Variants in LDLRAD4 observed in about 807,000 individuals in gnomAD.
LDLRAD4 encodes low-density lipoprotein receptor class A domain-containing protein 4.
In LDLRAD4, 5 loss-of-function variants were observed where a neutral mutation model predicts 17.0. The observed-to-expected ratio is 0.29, with a 90% CI of 0.15 to 0.62. The LOEUF (loss-of-function observed/expected upper bound fraction) is 0.62, where lower values mean the gene tolerates loss of function less well. Among genes scored for constraint, LDLRAD4 ranks in the 20% least tolerant of loss-of-function variants. The pLI is 0.84. For synonymous variants in LDLRAD4, 168 were observed against 171.8 expected, an observed-to-expected ratio of 0.98 and a Z score of 0.17; for missense variants, 340 against 424.7, an observed-to-expected ratio of 0.80 and a Z score of 1.75.
chr18:13,509,365 C>T (rs541213930), intron 3 of LDLRAD4, among the ~76,000 whole-genome samples: 96 of 152,316 alleles, frequency 6.3e-4, no homozygotes, highest in African/African-American at 2.2e-3. Flanking sequence ...GGTTCCACCC[C>T]TCCTGGATGA....
At chr18:13,644,958 A>T in intron 5 of LDLRAD4, 169 bp from the exon 7 acceptor site, 1 of 634,400 alleles carries the variant, frequency 1.6e-6, no homozygotes, top group South Asian at 2.0e-5. Flanking sequence ...TCAGAAAAGT[A>T]CACTTTTTTT....
At chr18:13,618,327 A>G (rs1355945823) in intron 3 of LDLRAD4, among the ~76,000 whole-genome samples, 2 of 152,232 alleles carry the variant, frequency 1.3e-5, no homozygotes, top group Non-Finnish European at 2.9e-5. Context: ...TGGTGGAGTC[A>G]GGGGCGCTGT....
intron 4 of LDLRAD4, among the ~76,000 whole-genome samples, chr18:13,636,944 C>T (rs1020429314): frequency 9.9e-5 from 15 of 151,916 alleles, no homozygotes; most frequent in South Asian, 2.1e-4. Context: ...ATTACAGGCA[C>T]CCACCACTAC....
chr18:13,568,059 G>C (rs7239181), intron 3 of LDLRAD4, among the ~76,000 whole-genome samples: 9 of 150,568 alleles, frequency 6.0e-5, no homozygotes, highest in Middle Eastern at 3.4e-3. Context: ...CCGAGGAGGT[G>C]GGGGGTGGGG....
chr18:13,447,133 C>T lies in LDLRAD4; in HGVS notation c.181+8749C>T, dbSNP rs1395615867. 9.1e-5 allele frequency among the ~76,000 whole-genome samples: 13 copies of T among 142,268 alleles called. No homozygotes were observed. In the East Asian group the frequency reaches 3.2e-3, roughly 35 times the overall value. The allele number at this position is 142,268 out of a possible 152,430, so 93.3% of individuals were successfully genotyped here. A position where few individuals can be genotyped will look rare whatever the true frequency, so the allele number is the denominator to read the frequency against. ...TTTGGACAGGGCTCCCCGCCCGCCC[C>T]CCCTTTTTTTTGACTTAAAGAATCT... is the stretch of plus-strand genomic sequence containing the variant. On this transcript the variant is annotated intron_variant, in intron 3 of 5. Transcript: ENST00000359446.
At chr18:13,557,567 A>AT (rs1166097562) in intron 3 of LDLRAD4, among the ~76,000 whole-genome samples, 1 of 152,068 alleles carries the variant, frequency 6.6e-6, no homozygotes, top group African/African-American at 2.4e-5. Flanking sequence ...CACCCGGCTA[A>AT]TTTTTTATAT....
At chr18:13,449,631 G>A (rs2091661559) in intron 3 of LDLRAD4, among the ~76,000 whole-genome samples, 1 of 152,268 alleles carries the variant, frequency 6.6e-6, no homozygotes, top group Non-Finnish European at 1.5e-5. Flanking sequence ...GCTGTCTGCT[G>A]TGGATGGCTC....
At chr18:13,247,955 C>CTA (rs372189310) in intron 1 of LDLRAD4, among the ~76,000 whole-genome samples, 1 of 130,214 alleles carries the variant, frequency 7.7e-6, no homozygotes, top group African/African-American at 3.3e-5. Context: ...AGCGCCGCCC[C>CTA]CCGCCTTTTT....
chr18:13,486,508 C>G (rs1386534507), intron 3 of LDLRAD4: 3 of 152,288 alleles, frequency 2.0e-5, no homozygotes, highest in Admixed American at 6.5e-5. Context: ...GCCTGCTCCA[C>G]CAGGGAGAAC....
intron 4 of LDLRAD4, among the ~76,000 whole-genome samples, chr18:13,636,730 C>G (rs1222943800): frequency 6.6e-6 from 1 of 151,752 alleles, no homozygotes; most frequent in Non-Finnish European, 1.5e-5. Context: ...GAACTCCTGA[C>G]CTCAGGTGAT....
intron 3 of LDLRAD4, among the ~76,000 whole-genome samples, chr18:13,593,391 T>C (rs1220157366): frequency 7.7e-6 from 1 of 130,474 alleles, no homozygotes; most frequent in Non-Finnish European, 1.7e-5. Flanking sequence ...GACCTGGGCA[T>C]GGATTTGTCT....
chr18:13,490,738 G>A (rs768219005), intron 3 of LDLRAD4: 1 of 152,170 alleles, frequency 6.6e-6, no homozygotes, highest in Non-Finnish European at 1.5e-5. Flanking sequence ...TTTTTAAAAT[G>A]ATGTGTTCCA....
chr18:13,355,737 T>G (rs771404494), intron 1 of LDLRAD4, among the ~76,000 whole-genome samples: 1 of 152,086 alleles, frequency 6.6e-6, no homozygotes, highest in South Asian at 2.1e-4. Flanking sequence ...GCTCAAGGGA[T>G]CCTCCCACCT....
At position 13,513,628 on chromosome 18, in the gene LDLRAD4, G is replaced by A. The variant is rs142458991; in HGVS notation, c.181+75244G>A. Among the ~76,000 whole-genome samples, 3 of 152,242 alleles carry A rather than the reference G, an allele frequency of 2.0e-5. No individual in the cohort carries two copies. In the East Asian group the frequency reaches 5.8e-4, roughly 29 times the overall value. On this transcript the variant is annotated intron_variant, in intron 3 of 5. Coordinates refer to ENST00000359446, the Ensembl canonical transcript of LDLRAD4. Reference sequence around the variant, plus strand: ...TCGTCTTCATCAGTCTCCGTTTATTGTGAGCTTTCAGAGCTTATGCTGAAT... The same window carrying A: ...TCGTCTTCATCAGTCTCCGTTTATTATGAGCTTTCAGAGCTTATGCTGAAT...
intron 3 of LDLRAD4, among the ~76,000 whole-genome samples, chr18:13,438,693 C>T (rs1023300363): frequency 6.6e-6 from 1 of 152,160 alleles, no homozygotes. Context: ...ATTACTACTT[C>T]AGAAGTAATT....
At chr18:13,533,248 G>T (rs148938018) in intron 3 of LDLRAD4, among the ~76,000 whole-genome samples, 87 of 152,224 alleles carry the variant, frequency 5.7e-4, no homozygotes, top group African/African-American at 2.0e-3. Flanking sequence ...TTGCTGCAAT[G>T]GATTTTTCAT....
intron 1 of LDLRAD4, among the ~76,000 whole-genome samples, chr18:13,323,292 G>A (rs542778183): frequency 5.8e-4 from 89 of 152,356 alleles, no homozygotes; most frequent in African/African-American, 2.0e-3. Flanking sequence ...CCGCCACTGC[G>A]CCTGGCTGCA....
chr18:13,479,808 T>C (rs545054292), intron 3 of LDLRAD4, among the ~76,000 whole-genome samples: 66 of 152,110 alleles, frequency 4.3e-4, no homozygotes, highest in African/African-American at 1.6e-3. Flanking sequence ...AATATGCAGA[T>C]GGAAAATAAG....
chr18:13,390,698 G>T (rs117065184), intron 2 of LDLRAD4, among the ~76,000 whole-genome samples: 6 of 152,174 alleles, frequency 3.9e-5, no homozygotes, highest in Non-Finnish European at 7.4e-5. Context: ...CCTTCAGCAG[G>T]GGGGATCAAA....
Sources: gnomAD v4.1 joint callset for allele counts (sites outside exome capture counted in the v4.1 genomes callset) on GRCh38, gnomAD v4.1.1 for gene constraint, MANE v1.5 for transcripts, NCBI Gene and HGNC (gene_info 2026-07-23, HGNC 2026-07-21) for gene names.